ASXL3: variants seen among roughly 807,000 people sequenced by gnomAD.
ASXL3 encodes putative Polycomb group protein ASXL3.
A neutral mutation model predicts 170.6 loss-of-function variants in ASXL3; 34 were observed. The ratio of observed to expected loss-of-function variants is 0.20; its 90% CI spans 0.15 to 0.27. ASXL3 has a LOEUF of 0.27. Ranked by LOEUF, ASXL3 falls within the 10% of genes least tolerant of loss-of-function variation. The probability of loss-of-function intolerance (pLI) is 1.00; values close to 1 mark genes in which losing one functional copy is unlikely to be tolerated. For missense variants in ASXL3, 2,592 were observed against 2,695.3 expected, an observed-to-expected ratio of 0.96 and a Z score of 0.85; for synonymous variants, 1,002 against 989.1, an observed-to-expected ratio of 1.01 and a Z score of -0.24.
At chr18:33,698,245 G>C (rs536487288) in intron 8 of ASXL3, among the ~76,000 whole-genome samples, 2 of 152,124 alleles carry the variant, frequency 1.3e-5, no homozygotes, top group African/African-American at 4.8e-5. Flanking sequence ...ACACAGCAAC[G>C]TGGTGCCATT....
chr18:33,645,484 T>C (rs763896991), intron 3 of ASXL3, among the ~76,000 whole-genome samples: 1 of 151,958 alleles, frequency 6.6e-6, no homozygotes, highest in Non-Finnish European at 1.5e-5. Context: ...GTTTTACTAA[T>C]GCACACTTGT....
chr18:33,713,348 C>T (rs867131739), intron 8 of ASXL3, among the ~76,000 whole-genome samples: 1 of 143,810 alleles, frequency 7.0e-6, no homozygotes, highest in Non-Finnish European at 1.5e-5. Flanking sequence ...TCCACCCCCC[C>T]CCGGGTTCAA....
At chr18:33,617,479 A>G (rs1272545393) in intron 2 of ASXL3, among the ~76,000 whole-genome samples, 1 of 152,188 alleles carries the variant, frequency 6.6e-6, no homozygotes, top group Admixed American at 6.5e-5. Flanking sequence ...CAACAGAGTG[A>G]GACTCCATCT....
intron 1 of ASXL3, among the ~76,000 whole-genome samples, chr18:33,597,023 C>G (rs1221490423): frequency 6.6e-6 from 1 of 152,072 alleles, no homozygotes; most frequent in Non-Finnish European, 1.5e-5. Flanking sequence ...CCATGTTGAC[C>G]AGGCTGATCT....
chr18:33,735,376 A>G (rs62091162), intron 10 of ASXL3, among the ~76,000 whole-genome samples: 9,162 of 152,260 alleles, frequency 0.06, 386 homozygotes, highest in African/African-American at 0.12. Flanking sequence ...AATTGTCCTA[A>G]ATGGCAGTCC....
At chr18:33,727,435 C>T (rs1040689899) in intron 8 of ASXL3, among the ~76,000 whole-genome samples, 3 of 152,054 alleles carry the variant, frequency 2.0e-5, no homozygotes, top group African/African-American at 7.2e-5. Context: ...GGCACCCATT[C>T]CTTAAAATGT....
chr18:33,741,655 TC>T (rs1357990371), intron 11 of ASXL3, among the ~76,000 whole-genome samples: 1 of 152,164 alleles, frequency 6.6e-6, no homozygotes, highest in Admixed American at 6.5e-5. Flanking sequence ...ACAAGATAGC[TC>T]AGGAAGACAA....
At chr18:33,658,852 T>A (rs2066125940) in intron 4 of ASXL3, among the ~76,000 whole-genome samples, 2 of 152,048 alleles carry the variant, frequency 1.3e-5, no homozygotes, top group Non-Finnish European at 2.9e-5. Context: ...AAATGAATCA[T>A]TTTTAGAACA....
intron 2 of ASXL3, among the ~76,000 whole-genome samples, chr18:33,619,088 G>A (rs1039074168): frequency 7.2e-5 from 11 of 152,088 alleles, no homozygotes; most frequent in African/African-American, 2.4e-4. Context: ...TTTGAGATGG[G>A]TAGATACTAT....
chr18:33,638,856 G>A (rs1390383163), intron 2 of ASXL3, among the ~76,000 whole-genome samples: 6 of 152,144 alleles, frequency 3.9e-5, no homozygotes, highest in Admixed American at 6.6e-5. Flanking sequence ...AGTAATAGAT[G>A]TGTTGCCATC....
At chr18:33,699,946 C>G (rs9950031) in intron 8 of ASXL3, among the ~76,000 whole-genome samples, 10 of 151,608 alleles carry the variant, frequency 6.6e-5, no homozygotes, top group African/African-American at 2.4e-4. Flanking sequence ...AATTTTATCT[C>G]CTTTATAATT....
At chr18:33,671,619 T>C in intron 6 of ASXL3, 128 bp from the exon 7 acceptor site, 1 of 734,962 alleles carries the variant, frequency 1.4e-6, no homozygotes, top group South Asian at 2.9e-5. Context: ...GGAATCAGAT[T>C]GTGGCCAAAG....
intron 8 of ASXL3, among the ~76,000 whole-genome samples, chr18:33,720,317 T>G (rs551969499): frequency 6.6e-6 from 1 of 152,172 alleles, no homozygotes; most frequent in African/African-American, 2.4e-5. Context: ...GATAGTCACT[T>G]AAACACAGCT....
At chr18:33,594,362 T>C (rs1296861552) in intron 1 of ASXL3, among the ~76,000 whole-genome samples, 8 of 152,224 alleles carry the variant, frequency 5.3e-5, no homozygotes, top group Non-Finnish European at 5.9e-5. Context: ...GTCATCAAAA[T>C]GTGATATTAC....
chr18:33,720,812 C>A (rs1467460391), intron 8 of ASXL3, among the ~76,000 whole-genome samples: 2 of 152,066 alleles, frequency 1.3e-5, no homozygotes, highest in African/African-American at 2.4e-5. Flanking sequence ...CTCTTCTGAG[C>A]AATTCCTGTT....
chr18:33,645,672 T>C (rs1015596800), intron 3 of ASXL3, among the ~76,000 whole-genome samples: 2 of 152,008 alleles, frequency 1.3e-5, no homozygotes, highest in Non-Finnish European at 2.9e-5. Context: ...GTACATTCAT[T>C]GTGTTATTTC....
chr18:33,676,569 G>T (rs1390958350), intron 7 of ASXL3, among the ~76,000 whole-genome samples: 1 of 152,098 alleles, frequency 6.6e-6, no homozygotes, highest in Non-Finnish European at 1.5e-5. Flanking sequence ...AGAAAACACT[G>T]TTCTGATATG....
At chr18:33,696,709 C>T (rs2066778944) in intron 8 of ASXL3, among the ~76,000 whole-genome samples, 1 of 151,640 alleles carries the variant, frequency 6.6e-6, no homozygotes, top group Non-Finnish European at 1.5e-5. Context: ...TCGGAGTGTT[C>T]ATCAGGACTT....
chr18:33,740,773 A>AAAGAT (rs1365077075), intron 11 of ASXL3, among the ~76,000 whole-genome samples: 1 of 152,150 alleles, frequency 6.6e-6, no homozygotes, highest in African/African-American at 2.4e-5. Flanking sequence ...GGAAAATGTG[A>AAAGAT]AAGATAATTT....
Sources: gnomAD v4.1 joint callset for allele counts (sites outside exome capture counted in the v4.1 genomes callset) on GRCh38, gnomAD v4.1.1 for gene constraint, MANE v1.5 for transcripts, NCBI Gene and HGNC (gene_info 2026-07-23, HGNC 2026-07-21) for gene names.